Variants in EP300 observed in about 807,000 individuals in gnomAD.
EP300 encodes the protein histone acetyltransferase p300.
In EP300, 31 loss-of-function variants were observed where a neutral mutation model predicts 264.0. The ratio of observed to expected loss-of-function variants is 0.12; its 90% CI spans 0.09 to 0.16. The LOEUF (loss-of-function observed/expected upper bound fraction) is 0.16. EP300 is among the 10% of genes least tolerant of loss of function. The probability of loss-of-function intolerance (pLI) is 1.00; values close to 1 mark genes in which losing one functional copy is unlikely to be tolerated. For missense variants in EP300, 2,766 were observed against 3,052.9 expected (o/e 0.91, Z 2.21); for synonymous variants, 1,340 against 1,045.4 (o/e 1.28, Z -5.44).
intron 7 of EP300, 72 bp downstream of exon 7, chr22:41,135,978 T>C: frequency 8.3e-7 from 1 of 1,209,604 alleles, no homozygotes; most frequent in Non-Finnish European, 1.2e-6. Flanking sequence ...TTGTTTGACT[T>C]TTGAACTTAG....
intron 7 of EP300, among the ~76,000 whole-genome samples, chr22:41,137,110 G>A (rs2058955496): frequency 6.6e-6 from 1 of 152,018 alleles, no homozygotes; most frequent in African/African-American, 2.4e-5. Context: ...TGTAATCTCA[G>A]CACTTTGGGA....
chr22:41,127,799 G>C (rs1253605550), intron 4 of EP300, 51 bp downstream of exon 4: 1 of 1,608,882 alleles, frequency 6.2e-7, no homozygotes. Context: ...CAGCCAGGGA[G>C]AAGAAGGAAA....
intron 2 of EP300, among the ~76,000 whole-genome samples, chr22:41,125,092 C>T (rs1364106866): frequency 6.7e-6 from 1 of 150,364 alleles, no homozygotes; most frequent in Non-Finnish European, 1.5e-5. Context: ...GCACATGCCA[C>T]CACATCCAGC....
chr22:41,094,667 A>G (rs2058692331), intron 1 of EP300, among the ~76,000 whole-genome samples: 1 of 152,202 alleles, frequency 6.6e-6, no homozygotes, highest in Non-Finnish European at 1.5e-5. Context: ...TTTTTAGATC[A>G]TCTTTAGAGA....
chr22:41,174,370 AG>A (rs1296590126), intron 29 of EP300, among the ~76,000 whole-genome samples: 1 of 152,204 alleles, frequency 6.6e-6, no homozygotes, highest in African/African-American at 2.4e-5. Flanking sequence ...CAGAGGTTGC[AG>A]TGCACTTACA....
chr22:41,109,638 C>T (rs778549288), intron 1 of EP300, among the ~76,000 whole-genome samples: 3 of 152,026 alleles, frequency 2.0e-5, no homozygotes, highest in African/African-American at 4.8e-5. Flanking sequence ...CATTTATTCA[C>T]TCATTTAATC....
chr22:41,133,296 TA>T (rs2058931418), intron 6 of EP300, among the ~76,000 whole-genome samples: 1 of 152,006 alleles, frequency 6.6e-6, no homozygotes, highest in African/African-American at 2.4e-5. Context: ...TAGCTGGGAT[TA>T]GAGGCACCTG....
At chr22:41,164,185 C>G in intron 22 of EP300, 55 bp downstream of exon 22, 1 of 1,498,452 alleles carries the variant, frequency 6.7e-7, no homozygotes, top group Non-Finnish European at 9.3e-7. Flanking sequence ...TGAATATTAA[C>G]AAGTTTTTTA....
In EP300 at chr22:41,092,698, C is replaced by T. The variant is rs1345589114; in HGVS notation, c.-307C>T. ...GGCCGTGGCGGGCCGGGGACTGCGC[C>T]TCTAGAGCCGCGAGTTCTCGGGAAT... On this transcript the variant is annotated 5_prime_UTR_variant, in exon 1 of 31. Transcript: ENST00000263253. The T allele has an allele frequency of 6.4e-6, 4 of 622,146 alleles. No homozygotes were observed. Among genetic ancestry groups the T allele is most frequent in the Admixed American group, 3.0e-5 (1 of 33,498 alleles). The allele number at this position is 622,146 out of a possible 1,614,324, so 38.5% of individuals were successfully genotyped here. A position where few individuals can be genotyped will look rare whatever the true frequency, so the allele number is the denominator to read the frequency against.
chr22:41,120,057 G>A (rs2145700526), intron 2 of EP300, among the ~76,000 whole-genome samples: 1 of 152,128 alleles, frequency 6.6e-6, no homozygotes, highest in East Asian at 1.9e-4. Context: ...CAAGTGATCT[G>A]CCCACCTCGG....
At position 41,157,512 on chromosome 22, in the gene EP300, C is replaced by CTTTTTTTTTTTTT. The variant is rs1214250106; in HGVS notation, c.3501+114_3501+126dup. The CTTTTTTTTTTTTT allele has an allele frequency of 1.1e-5, 4 of 371,034 alleles. No homozygotes were observed. The African/African-American group carries it at 1.3e-4, about 12-fold the overall frequency. The allele number at this position is 371,034 out of a possible 1,614,324, so 23.0% of individuals were successfully genotyped here. On this transcript the variant is annotated intron_variant, in intron 18 of 30. Coordinates refer to ENST00000263253, the MANE Select transcript of EP300 (RefSeq NM_001429.4). Reference sequence around the variant, plus strand: ...TATCCTGCTTCTGGCTTTGACATGGCTTTTTTTTTTTTTTTTTTTTTTCCT... The same window carrying CTTTTTTTTTTTTT: ...TATCCTGCTTCTGGCTTTGACATGGCTTTTTTTTTTTTTTTTTTTTTTTTTTTTTTTTTTTCCT...
chr22:41,155,639 A>G (rs771904274), intron 17 of EP300, among the ~76,000 whole-genome samples: 2 of 152,178 alleles, frequency 1.3e-5, no homozygotes, highest in African/African-American at 2.4e-5. Context: ...ATTTTCTCCC[A>G]TAGCACCCCA....
In EP300 at chr22:41,150,149, C is replaced by T. The variant is rs2059035606; in HGVS notation, c.2768C>T (p.Ser923Phe). ...CGCTCACAGCAGAGCACAGCAGCGTCTGTTCCTACCCCAACAGCACCGCTG... is the reference window on the plus strand; with the variant it reads ...CGCTCACAGCAGAGCACAGCAGCGTTTGTTCCTACCCCAACAGCACCGCTG... ...QPRSQQSTAA[S>F]VPTPTAPLLP... Residue 923 changes from serine to phenylalanine, a missense_variant, in exon 14 of 31, where the codon TCT (serine) becomes TTT (phenylalanine). By Grantham distance (155) the Ser-to-Phe change is radical. Coordinates refer to ENST00000263253, the MANE Select transcript of EP300 (RefSeq NM_001429.4). 1 of 1,612,066 alleles carries T rather than the reference C, an allele frequency of 6.2e-7. No homozygotes were observed. Among genetic ancestry groups the T allele is most frequent in the Non-Finnish European group, 8.5e-7 (1 of 1,179,888 alleles).
At chr22:41,131,325 CAT>C in intron 5 of EP300, 61 bp from the exon 6 acceptor site, 2 of 1,543,856 alleles carry the variant, frequency 1.3e-6, no homozygotes, top group South Asian at 2.2e-5. Flanking sequence ...TTTTATTAGA[CAT>C]GTTAGTCTTT....
chr22:41,151,758 C>T, intron 14 of EP300, 75 bp from the exon 15 acceptor site: 2 of 1,472,292 alleles, frequency 1.4e-6, no homozygotes, highest in South Asian at 1.1e-5. Flanking sequence ...TATCCTGTTG[C>T]TTACCTTACA....
intron 23 of EP300, 120 bp downstream of exon 23, chr22:41,166,786 T>C: frequency 1.6e-6 from 1 of 642,450 alleles, no homozygotes; most frequent in East Asian, 2.8e-5. Flanking sequence ...AAAATAATTC[T>C]ATAATCTCCT....
intron 1 of EP300, among the ~76,000 whole-genome samples, chr22:41,097,896 A>G (rs1467650747): frequency 6.6e-6 from 1 of 151,632 alleles, no homozygotes; most frequent in African/African-American, 2.4e-5. Context: ...GGGTTTCACC[A>G]TGTTGGCCAT....
chr22:41,096,359 TTAA>T (rs1203977539), intron 1 of EP300, among the ~76,000 whole-genome samples: 10 of 152,160 alleles, frequency 6.6e-5, no homozygotes, highest in Admixed American at 2.6e-4. Context: ...TGGTAAACGC[TTAA>T]TGCCGTATGC....
At chr22:41,109,269 CAAAA>C (rs1040764795) in intron 1 of EP300, among the ~76,000 whole-genome samples, 8 of 112,442 alleles carry the variant, frequency 7.1e-5, no homozygotes, top group Non-Finnish European at 1.4e-4. Flanking sequence ...AAAAAAAAAA[CAAAA>C]AAAAACGGAA....
Sources: gnomAD v4.1 joint callset for allele counts (sites outside exome capture counted in the v4.1 genomes callset) on GRCh38, gnomAD v4.1.1 for gene constraint, MANE v1.5 for transcripts, NCBI Gene and HGNC (gene_info 2026-07-23, HGNC 2026-07-21) for gene names.